Variants in FBP2 observed in about 807,000 individuals in gnomAD.
The protein encoded by FBP2 is fructose-bisphosphatase 2.
A neutral mutation model predicts 31.6 loss-of-function variants in FBP2; 27 were observed. The observed-to-expected ratio is 0.85, with a 90% CI of 0.63 to 1.18. FBP2 has a LOEUF of 1.18. Among genes scored for constraint, FBP2 ranks in the 50% most tolerant of loss-of-function variants. The pLI is 0.00. For synonymous variants in FBP2, 168 were observed against 179.8 expected, an observed-to-expected ratio of 0.93 and a Z score of 0.53; for missense variants, 421 against 436.1, an observed-to-expected ratio of 0.97 and a Z score of 0.31.
At chr9:94,585,491 C>T (rs745590518) in intron 2 of FBP2, among the ~76,000 whole-genome samples, 9 of 150,226 alleles carry the variant, frequency 6.0e-5, no homozygotes, top group South Asian at 2.1e-4. Flanking sequence ...GGCTGTGGCA[C>T]GTGCCCTAAC....
chr9:94,572,846 A>T (rs924181465), intron 3 of FBP2: 3 of 152,240 alleles, frequency 2.0e-5, no homozygotes, highest in African/African-American at 7.2e-5. Context: ...CACATATTTT[A>T]AAATGTAATT....
intron 4 of FBP2, 33 bp from the exon 5 acceptor site, chr9:94,567,440 A>G: frequency 6.3e-7 from 1 of 1,577,540 alleles, no homozygotes. Context: ...CAGGAAGAAG[A>G]GAGAAGCCAG....
At chr9:94,589,326 C>T (rs1172990194) in intron 1 of FBP2, among the ~76,000 whole-genome samples, 2 of 152,144 alleles carry the variant, frequency 1.3e-5, no homozygotes, top group Admixed American at 6.6e-5. Context: ...GCTCTCTGCC[C>T]GGCTTTCTTC....
intron 6 of FBP2, among the ~76,000 whole-genome samples, chr9:94,561,392 T>C: frequency 8.5e-6 from 1 of 117,564 alleles, no homozygotes; most frequent in African/African-American, 3.2e-5. Context: ...AGATGGAATC[T>C]CACTCTGTCA....
At chr9:94,584,247 G>A (rs573930285) in intron 3 of FBP2, among the ~76,000 whole-genome samples, 5 of 152,324 alleles carry the variant, frequency 3.3e-5, no homozygotes, top group Non-Finnish European at 7.4e-5. Context: ...TGAGGCAAGA[G>A]GGGGAGAGGA....
chr9:94,578,970 G>A (rs369742713), intron 3 of FBP2, among the ~76,000 whole-genome samples: 8 of 141,112 alleles, frequency 5.7e-5, no homozygotes, highest in South Asian at 2.2e-4. Context: ...GGAGAATGGC[G>A]TGAACCCGGA....
At chr9:94,579,116 TGGCCA>T (rs1429765507) in intron 3 of FBP2, among the ~76,000 whole-genome samples, 1 of 135,322 alleles carries the variant, frequency 7.4e-6, no homozygotes, top group Non-Finnish European at 1.6e-5. Flanking sequence ...AAAAAAAACT[TGGCCA>T]GGCACGGTGG....
At chr9:94,562,316 A>C (rs533878889) in intron 6 of FBP2, among the ~76,000 whole-genome samples, 2,861 of 151,116 alleles carry the variant, frequency 0.019, 36 homozygotes, top group Non-Finnish European at 0.029. Flanking sequence ...TCTCAAAAAA[A>C]AAAAAAAAAA....
At chr9:94,580,361 G>A (rs1827361985) in intron 3 of FBP2, among the ~76,000 whole-genome samples, 1 of 152,114 alleles carries the variant, frequency 6.6e-6, no homozygotes, top group Non-Finnish European at 1.5e-5. Context: ...CTCTCAAGTG[G>A]CTGGTCCAAC....
chr9:94,575,397 G>T (rs767746114), intron 3 of FBP2, among the ~76,000 whole-genome samples: 5 of 152,110 alleles, frequency 3.3e-5, no homozygotes, highest in Non-Finnish European at 5.9e-5. Context: ...ATGTTCTTTT[G>T]TATGGCTTAT....
intron 5 of FBP2, among the ~76,000 whole-genome samples, chr9:94,564,808 AAAAT>A (rs1254485804): frequency 2.0e-5 from 3 of 152,186 alleles, no homozygotes; most frequent in Admixed American, 1.3e-4. Context: ...CCCTGAATCT[AAAAT>A]AAAAGTGTAG....
chr9:94,561,647 G>A (rs1415925384), intron 6 of FBP2, among the ~76,000 whole-genome samples: 2 of 152,086 alleles, frequency 1.3e-5, no homozygotes, highest in Admixed American at 6.5e-5. Context: ...TTACAGGCGT[G>A]AGCCACCGCA....
chr9:94,564,371 T>C (rs1827155117), intron 5 of FBP2, among the ~76,000 whole-genome samples: 1 of 152,236 alleles, frequency 6.6e-6, no homozygotes, highest in East Asian at 1.9e-4. Flanking sequence ...GTATGTTCAC[T>C]GCAACACTAT....
At chr9:94,572,089 A>G (rs190651371) in intron 3 of FBP2, among the ~76,000 whole-genome samples, 119 of 152,278 alleles carry the variant, frequency 7.8e-4, no homozygotes, top group Admixed American at 2.2e-3. Context: ...CAACTCGCCC[A>G]GCAGCAGGAA....
chr9:94,593,755 T>A lies in FBP2; in HGVS notation c.-29A>T. 6.2e-7 allele frequency: 1 copy of A among 1,611,444 alleles called. No homozygotes were observed. The highest frequency in any genetic ancestry group is 1.1e-5 in the South Asian group (1 of 90,624). ...GGCTGGAATGCTTCAAATCCTTTTC[T>A]CCCGGCAGGAAACCTTGCTTACTTC... is the stretch of plus-strand genomic sequence containing the variant. On this transcript the variant is annotated 5_prime_UTR_variant, in exon 1 of 7. Coordinates refer to ENST00000375337, the MANE Select transcript of FBP2 (RefSeq NM_003837.4).
Position 94,593,676 on chromosome 9 carries a change from G to T in FBP2, c.51C>A (p.Tyr17Ter), listed in dbSNP as rs774531216. 1.2e-6 allele frequency: 2 copies of T among 1,614,114 alleles called. No homozygotes were observed. Among genetic ancestry groups the T allele is most frequent in the East Asian group, 2.2e-5 (1 of 44,896 alleles). ...TGGCCTGACGCCCCTTTTCCATAAC[G>T]TAGCGGGTCAGGGTGAGCATGTCGG... The part of the protein sequence containing the change: ...FETDMLTLTR[Y>*]VMEKGRQAKG... The change falls in exon 1 of 7, where the codon TAC (tyrosine) becomes TAA (stop). Residue 17 changes from tyrosine to a stop codon, truncating the protein, a stop_gained. Coordinates refer to ENST00000375337, the MANE Select transcript of FBP2 (RefSeq NM_003837.4). LOFTEE classifies it high-confidence loss of function.
At chr9:94,559,222 G>T in intron 6 of FBP2, 90 bp from the exon 7 acceptor site, 1 of 1,180,982 alleles carries the variant, frequency 8.5e-7, no homozygotes, top group Non-Finnish European at 1.2e-6. Context: ...AGTTTGTACT[G>T]CGGTGCTTCC....
chr9:94,575,055 G>A (rs1347488978), intron 3 of FBP2, among the ~76,000 whole-genome samples: 1 of 152,098 alleles, frequency 6.6e-6, no homozygotes, highest in Admixed American at 6.5e-5. Context: ...CATGTATTTG[G>A]TGGTAGAAAT....
chr9:94,589,089 C>T (rs1472088329), intron 1 of FBP2, among the ~76,000 whole-genome samples: 1 of 152,210 alleles, frequency 6.6e-6, no homozygotes, highest in Non-Finnish European at 1.5e-5. Context: ...GCCCTGACCA[C>T]CATCTAGGTC....
Sources: allele counts gnomAD v4.1 joint callset (sites outside exome capture counted in the v4.1 genomes callset), GRCh38; gene constraint gnomAD v4.1.1; transcripts MANE v1.5; gene names NCBI Gene and HGNC (gene_info 2026-07-23, HGNC 2026-07-21).